BRF1: variants seen among roughly 807,000 people sequenced by gnomAD.
The protein encoded by BRF1 is transcription factor IIIB 90 kDa subunit.
A neutral mutation model predicts 81.7 loss-of-function variants in BRF1; 59 were observed. The observed-to-expected ratio is 0.72, with a 90% CI of 0.59 to 0.90. The LOEUF is 0.90. Among genes scored for constraint, BRF1 ranks in the 40% least tolerant of loss-of-function variants. The pLI, the probability that BRF1 is intolerant of heterozygous loss-of-function variation, is 0.00. For missense variants in BRF1, 1,050 were observed against 936.3 expected, an observed-to-expected ratio of 1.12 and a Z score of -1.58; for synonymous variants, 491 against 395.6, an observed-to-expected ratio of 1.24 and a Z score of -2.86.
chr14:105,244,374 G>A (rs768984688), intron 5 of BRF1, among the ~76,000 whole-genome samples: 7 of 152,178 alleles, frequency 4.6e-5, no homozygotes, highest in Non-Finnish European at 7.3e-5. Flanking sequence ...AGTCCAGGAG[G>A]TCGGGGCTGC....
At chr14:105,244,868 G>A (rs1255579921) in intron 5 of BRF1, among the ~76,000 whole-genome samples, 1 of 151,644 alleles carries the variant, frequency 6.6e-6, no homozygotes, top group Middle Eastern at 3.2e-3. Flanking sequence ...TTATGAAAAT[G>A]ACCAGGTATG....
chr14:105,241,402 T>C lies in BRF1; in HGVS notation c.557A>G (p.Tyr186Cys). ...INAPAIDPCL[Y>C]IPRFAHLLEF... is the part of the protein sequence containing the mutation. ...CAGCAGGTGCGCAAAGCGTGGAATA[T>C]ACAGGCACGGGTCTGCGGCAGACAC... Residue 186 changes from tyrosine to cysteine, a missense_variant, in exon 6 of 18, where the codon TAT becomes TGT. This residue lies in a region of BRF1 where 1,043 missense variants were observed against 915.4 expected (regional missense o/e 1.14). Transcript: ENST00000547530. 4 of 1,612,346 alleles carry C rather than the reference T, an allele frequency of 2.5e-6. No individual in the cohort carries two copies. The highest frequency in any genetic ancestry group is 3.4e-6 in the Non-Finnish European group (4 of 1,179,906).
At chr14:105,226,377 C>A in intron 8 of BRF1, 87 bp from the exon 9 acceptor site, 1 of 1,568,370 alleles carries the variant, frequency 6.4e-7, no homozygotes, top group East Asian at 2.2e-5. Context: ...CCCCAGGGAC[C>A]ACAGGCTGCT....
rs776528274 is a variant in BRF1, at chr14:105,269,440, T to G, written c.439+3281A>C. ...GTGCCACAAACCTGCCTGTTCACAG[T>G]GCACCGGGCAGTGGGTTTTCGTAAA... On this transcript the variant is annotated intron_variant, in intron 3 of 17. Transcript: ENST00000547530. The surrounding 1 kb of genome is among the most constrained non-coding windows in gnomAD (Gnocchi z 5.0). Among the ~76,000 whole-genome samples, 1 of 152,138 alleles carries G rather than the reference T, an allele frequency of 6.6e-6. No homozygotes were observed. The highest frequency in any genetic ancestry group is 2.4e-5 in the African/African-American group (1 of 41,420).
chr14:105,314,045 G>T (rs1178145435), intron 1 of BRF1, among the ~76,000 whole-genome samples: 1 of 152,286 alleles, frequency 6.6e-6, no homozygotes, highest in African/African-American at 2.4e-5. Flanking sequence ...GACGCAAAGA[G>T]GGCGCCCGGG....
chr14:105,314,292 G>A (rs971067553), intron 1 of BRF1: 8 of 152,214 alleles, frequency 5.3e-5, no homozygotes, highest in African/African-American at 1.4e-4. Context: ...GGGAGACTCG[G>A]GGCATGGCGG....
At chr14:105,302,570 TC>T (rs200977462), upstream of BRF1, among the ~76,000 whole-genome samples, 1,206 of 152,122 alleles carry the variant, frequency 7.9e-3, 50 homozygotes, top group Admixed American at 0.06. Flanking sequence ...TTCAATGTGT[TC>T]CCTTTTTCTA....
chr14:105,262,550 G>A (rs117547225), intron 3 of BRF1, among the ~76,000 whole-genome samples: 8 of 152,312 alleles, frequency 5.3e-5, no homozygotes, highest in South Asian at 2.1e-4. Flanking sequence ...GCACCTCACC[G>A]CTGTCATCAT....
rs1595369281 is a variant in BRF1 at position 105,246,494 on chromosome 14, G to C, written c.545-5080C>G. On this transcript the variant is annotated intron_variant, in intron 5 of 17. Transcript: ENST00000547530. ...GAGTTTAAGACCAGCCTGGTCAACGGAGTCTCGCTCTGTCATCCAGGCTGG... is the reference window on the plus strand; with the variant it reads ...GAGTTTAAGACCAGCCTGGTCAACGCAGTCTCGCTCTGTCATCCAGGCTGG... Among the ~76,000 whole-genome samples the C allele has an allele frequency of 2.0e-5, 3 of 152,066 alleles. No individual in the cohort carries two copies. In the East Asian group the frequency reaches 5.8e-4, roughly 30 times the overall value.
Position 105,315,189 on chromosome 14 carries a change from G to T in BRF1, c.-162+133C>A. ...GCCCGCCGGTTCGACGCGTGCAGCC[G>T]CCGCCCCCCCGCAGCTCCGGCAAGC... On this transcript the variant is annotated intron_variant, in intron 1 of 17. Coordinates refer to the BRF1 transcript ENST00000327359. The surrounding 1 kb of genome is among the most constrained non-coding windows in gnomAD (Gnocchi z 4.4). The T allele has an allele frequency of 6.7e-6, 2 of 299,330 alleles. No individual in the cohort carries two copies. Among genetic ancestry groups the T allele is most frequent in the Non-Finnish European group, 1.0e-5 (2 of 196,454 alleles). The allele number at this position is 299,330 out of a possible 1,614,324, so 18.5% of individuals were successfully genotyped here.
chr14:105,302,943 C>G (rs1595509852), upstream of BRF1, among the ~76,000 whole-genome samples: 1 of 146,730 alleles, frequency 6.8e-6, no homozygotes, highest in Non-Finnish European at 1.5e-5. Flanking sequence ...TTCTCTAGTT[C>G]TTTTTTTTTT....
rs1435396451 is a variant in BRF1, at chr14:105,217,751, C to T, written c.1565G>A (p.Arg522Lys). ...RREPIQASTA[R>K]EAIEKMLEQK... ...CTCCAGCATCTTCTCGATGGCCTCC[C>T]TGGCGGTACTGGCCTGAATTGGCTC... The change falls in exon 15 of 18, where the codon AGG becomes AAG. Residue 522 changes from arginine (R) to lysine (K), a missense_variant. Physicochemically the swap from Arg to Lys is conservative, Grantham distance 26. Around this residue, in one of 2 missense-constraint regions of BRF1, gnomAD observed 1,043 missense variants for 915.4 expected, o/e 1.14. Transcript: ENST00000547530. 1.2e-6 allele frequency: 2 copies of T among 1,613,276 alleles called. No homozygotes were observed. Among genetic ancestry groups the T allele is most frequent in the African/African-American group, 2.7e-5 (2 of 74,946 alleles).
intron 10 of BRF1, 102 bp from the exon 11 acceptor site, chr14:105,222,016 G>T (rs988375029): frequency 2.1e-6 from 3 of 1,409,096 alleles, no homozygotes; most frequent in Non-Finnish European, 2.8e-6. Flanking sequence ...CCATAGAACG[G>T]CTGTCAGTGC....
Position 105,284,120 on chromosome 14 carries a change from G to A in BRF1, c.265+2176C>T, listed in dbSNP as rs779755127. On this transcript the variant is annotated intron_variant, in intron 2 of 17. Transcript: ENST00000547530. The surrounding 1 kb of genome is among the most constrained non-coding windows in gnomAD (Gnocchi z 4.0). ...AAGAGGGATGTGCTGCGCTGCACCC[G>A]CTTCCTGCAGGAAACGCATTCAAGC... is the stretch of plus-strand genomic sequence containing the variant. Among the ~76,000 whole-genome samples the A allele has an allele frequency of 1.4e-4, 22 of 152,112 alleles. No individual in the cohort carries two copies. The highest frequency in any genetic ancestry group is 2.9e-4 in the Non-Finnish European group (20 of 68,024).
At chr14:105,264,666 CAAAAAAAAAA>C (rs56970432) in intron 3 of BRF1, among the ~76,000 whole-genome samples, 1 of 60,794 alleles carries the variant, frequency 1.6e-5, no homozygotes, top group African/African-American at 6.9e-5. Flanking sequence ...GACTCCATCT[CAAAAAAAAAA>C]AAAAAAAAAA....
chr14:105,223,937 C>T (rs1017260507), intron 10 of BRF1, among the ~76,000 whole-genome samples: 6 of 152,348 alleles, frequency 3.9e-5, no homozygotes, highest in African/African-American at 1.4e-4. Context: ...CCACAAGTAG[C>T]TCTAAACTAA....
At chr14:105,226,567 T>C in intron 8 of BRF1, 67 bp downstream of exon 8, 1 of 1,603,780 alleles carries the variant, frequency 6.2e-7, no homozygotes, top group Non-Finnish European at 8.5e-7. Context: ...ACAACCCCAG[T>C]CGGGGTGTGT....
In BRF1 at chr14:105,211,340, G is replaced by A. The variant is rs1331693195; in HGVS notation, c.1825-47C>T. ...ACACACACAGAGCTGGGAGCCCTGT[G>A]TATCTCAACAGACCCCTCAGACCCA... On this transcript the variant is annotated intron_variant, in intron 16 of 17. Transcript: ENST00000547530. 2.0e-6 allele frequency: 3 copies of A among 1,503,062 alleles called. No homozygotes were observed. The South Asian group carries it at 3.8e-5, about 19-fold the overall frequency. 93.1% of individuals were successfully genotyped at this position (1,503,062 alleles called of 1,614,324 possible). A position where few individuals can be genotyped will look rare whatever the true frequency, so the allele number is the denominator to read the frequency against.
chr14:105,265,079 T>TTTTG (rs1304473295), intron 3 of BRF1, among the ~76,000 whole-genome samples: 1 of 149,886 alleles, frequency 6.7e-6, no homozygotes, highest in African/African-American at 2.5e-5. Context: ...GTTTGTTTTT[T>TTTTG]TAGAGACAGG....
Sources: gnomAD v4.1 joint callset for allele counts (sites outside exome capture counted in the v4.1 genomes callset) on GRCh38, gnomAD v4.1.1 for gene constraint, gnomAD v4.1.1 regional missense constraint, Gnocchi (gnomAD v3.1) non-coding constraint, MANE v1.5 for transcripts, NCBI Gene and HGNC (gene_info 2026-07-23, HGNC 2026-07-21) for gene names.